DIP2C: variants seen among roughly 807,000 people sequenced by gnomAD.
DIP2C encodes DIP2 acetate--CoA ligase C (putative), also known as disco-interacting protein 2 homolog C.
A neutral mutation model predicts 192.4 loss-of-function variants in DIP2C; 33 were observed. The observed-to-expected ratio is 0.17, with a 90% CI of 0.13 to 0.23. The LOEUF (loss-of-function observed/expected upper bound fraction) is 0.23. Ranked by LOEUF, DIP2C falls within the 10% of genes least tolerant of loss-of-function variation. The probability of loss-of-function intolerance (pLI) is 1.00; values close to 1 mark genes in which losing one functional copy is unlikely to be tolerated. For missense variants in DIP2C, 1,537 were observed against 2,110.1 expected (o/e 0.73, Z 5.32); for synonymous variants, 979 against 864.1 (o/e 1.13, Z -2.33).
intron 1 of DIP2C, among the ~76,000 whole-genome samples, chr10:551,018 T>C (rs1222118066): frequency 1.3e-5 from 2 of 149,108 alleles, no homozygotes; most frequent in Non-Finnish European, 3.0e-5. Flanking sequence ...GGGCCTCGAT[T>C]TCCCCCTCTG....
chr10:380,397 G>GTCCCTGGATGATGTTTAACA (rs1564638973), intron 17 of DIP2C, among the ~76,000 whole-genome samples: 6 of 148,372 alleles, frequency 4.0e-5, no homozygotes, highest in East Asian at 2.0e-4. Context: ...GATGGTTAAT[G>GTCCCTGGATGATGTTTAACA]CGCAGAAGAG....
chr10:312,303 T>C (rs777906306), intron 31 of DIP2C, among the ~76,000 whole-genome samples: 1 of 152,196 alleles, frequency 6.6e-6, no homozygotes, highest in Non-Finnish European at 1.5e-5. Context: ...AGAAATCAAC[T>C]TGGGCAAGCT....
chr10:413,717 T>C (rs1390919226), intron 8 of DIP2C, among the ~76,000 whole-genome samples, 196 bp downstream of exon 8: 3 of 151,670 alleles, frequency 2.0e-5, no homozygotes, highest in African/African-American at 7.3e-5. Context: ...AACCTCCGGA[T>C]TACCTTAAGT....
At chr10:327,630 CAA>C (rs1957334654) in intron 30 of DIP2C, among the ~76,000 whole-genome samples, 1 of 152,164 alleles carries the variant, frequency 6.6e-6, no homozygotes, top group South Asian at 2.1e-4. Flanking sequence ...CTCCTCGGCT[CAA>C]GTGACCCTCC....
rs1968936707 is a variant in DIP2C, at chr10:452,585, A to C, written c.269-11589T>G. 2.0e-5 allele frequency among the ~76,000 whole-genome samples: 3 copies of C among 152,210 alleles called. No individual in the cohort carries two copies. In the South Asian group the frequency reaches 6.2e-4, roughly 32 times the overall value. Reference sequence around the variant, plus strand: ...CCACTAACATCTACAATAGCGATTAAATGGACAGCGCTTTGTCGAAAGACC... The same window carrying C: ...CCACTAACATCTACAATAGCGATTACATGGACAGCGCTTTGTCGAAAGACC... On this transcript the variant is annotated intron_variant, in intron 3 of 36. Coordinates refer to ENST00000280886, the MANE Select transcript of DIP2C (RefSeq NM_014974.3).
At position 277,349 on chromosome 10, in the gene DIP2C, G is replaced by A. The variant is rs769243606; in HGVS notation, c.4647C>T (p.Pro1549=). The change falls in exon 37 of 37, where the codon CCC becomes CCT. Residue 1549 remains proline (P), a synonymous_variant. Coordinates refer to ENST00000280886, the MANE Select transcript of DIP2C (RefSeq NM_014974.3). ...RDGFLADQLD[P]IYVAYNM ...ACTACATGTTGTAGGCCACATAGAT[G>A]GGGTCTAGCTGGTCTGCCAAAAACC... 2 of 1,614,146 alleles carry A rather than the reference G, an allele frequency of 1.2e-6. No individual in the cohort carries two copies. Among genetic ancestry groups the A allele is most frequent in the Non-Finnish European group, 1.7e-6 (2 of 1,180,020 alleles).
At chr10:416,083 A>T (rs956474597) in intron 6 of DIP2C, among the ~76,000 whole-genome samples, 195 bp from the exon 7 acceptor site, 1 of 151,538 alleles carries the variant, frequency 6.6e-6, no homozygotes, top group East Asian at 1.9e-4. Flanking sequence ...ACAGAGATAC[A>T]TCGGACCCGA....
chr10:568,236 A>G (rs931656215), intron 1 of DIP2C, among the ~76,000 whole-genome samples: 8 of 152,260 alleles, frequency 5.3e-5, no homozygotes, highest in African/African-American at 1.9e-4. Context: ...CACCTCTCAC[A>G]TCAATCCCCG....
At chr10:360,551 C>G (rs1959348990) in intron 22 of DIP2C, among the ~76,000 whole-genome samples, 1 of 152,224 alleles carries the variant, frequency 6.6e-6, no homozygotes, top group Non-Finnish European at 1.5e-5. Flanking sequence ...ATCTCAAAGA[C>G]AGCAGCGAGA....
At position 492,882 on chromosome 10, in the gene DIP2C, C is replaced by T. The variant is rs1588289293; in HGVS notation, c.86-6352G>A. On this transcript the variant is annotated intron_variant, in intron 1 of 36. Coordinates refer to ENST00000280886, the MANE Select transcript of DIP2C (RefSeq NM_014974.3). ...ATCAAAAGAACAGGTGAAAGATCAA[C>T]AGAAGTTCACACCACCGCAGTGGTC... 2.0e-5 allele frequency among the ~76,000 whole-genome samples: 3 copies of T among 152,314 alleles called. No homozygotes were observed. The East Asian group carries it at 5.8e-4, about 29-fold the overall frequency.
intron 1 of DIP2C, among the ~76,000 whole-genome samples, chr10:512,206 T>C (rs1320016739): frequency 1.3e-5 from 2 of 152,190 alleles, no homozygotes; most frequent in East Asian, 1.9e-4. Flanking sequence ...GGCATATTAT[T>C]ATGGAAAATT....
chr10:578,119 C>G (rs904782371), intron 1 of DIP2C, among the ~76,000 whole-genome samples: 1 of 152,176 alleles, frequency 6.6e-6, no homozygotes, highest in African/African-American at 2.4e-5. Flanking sequence ...CCTGTTTACT[C>G]GAAAGCTCTC....
intron 32 of DIP2C, among the ~76,000 whole-genome samples, chr10:302,100 T>G (rs920883983): frequency 1.3e-5 from 2 of 152,054 alleles, no homozygotes; most frequent in Admixed American, 6.6e-5. Flanking sequence ...AAGGAAAAAC[T>G]ATAAACTAAT....
chr10:512,887 C>A (rs949414144), intron 1 of DIP2C, among the ~76,000 whole-genome samples: 1 of 144,058 alleles, frequency 6.9e-6, no homozygotes, highest in Non-Finnish European at 1.5e-5. Flanking sequence ...GTACTCCACT[C>A]CAGCCTGGGT....
At chr10:488,804 T>C (rs60307373) in intron 1 of DIP2C, among the ~76,000 whole-genome samples, 3,936 of 152,226 alleles carry the variant, frequency 0.026, 164 homozygotes, top group African/African-American at 0.089. Flanking sequence ...ACATGCACAG[T>C]TATCCTTAAA....
chr10:286,791 A>T (rs1268233764), intron 33 of DIP2C, among the ~76,000 whole-genome samples: 1 of 152,218 alleles, frequency 6.6e-6, no homozygotes, highest in Non-Finnish European at 1.5e-5. Context: ...ACATCATGGC[A>T]CACACATGGA....
chr10:471,984 C>CA (rs1970666538), intron 3 of DIP2C, among the ~76,000 whole-genome samples: 1 of 152,278 alleles, frequency 6.6e-6, no homozygotes, highest in South Asian at 2.1e-4. Context: ...ACTGGCAACT[C>CA]AGTCTCCAGA....
intron 1 of DIP2C, among the ~76,000 whole-genome samples, chr10:570,616 C>T (rs1849733375): frequency 6.6e-6 from 1 of 152,320 alleles, no homozygotes; most frequent in East Asian, 1.9e-4. Flanking sequence ...CCCTACCACC[C>T]GACCTGCCAG....
At chr10:417,632 GC>G (rs879343117) in intron 6 of DIP2C, among the ~76,000 whole-genome samples, 103,473 of 126,280 alleles carry the variant, frequency 0.82, 45,544 homozygotes, top group East Asian at 0.91. Flanking sequence ...GCCTGTCAGG[GC>G]TCGGATAGGC....
Sources: gnomAD v4.1 joint callset for allele counts (sites outside exome capture counted in the v4.1 genomes callset) on GRCh38, gnomAD v4.1.1 for gene constraint, MANE v1.5 for transcripts, NCBI Gene and HGNC (gene_info 2026-07-23, HGNC 2026-07-21) for gene names.